YES1: variants seen among roughly 807,000 people sequenced by gnomAD.
YES1 encodes tyrosine-protein kinase Yes.
A neutral mutation model predicts 70.4 loss-of-function variants in YES1; 39 were observed. The ratio of observed to expected loss-of-function variants is 0.55; its 90% CI spans 0.43 to 0.72. The LOEUF (loss-of-function observed/expected upper bound fraction) is 0.72, where lower values mean the gene tolerates loss of function less well. Among genes scored for constraint, YES1 ranks in the 30% least tolerant of loss-of-function variants. The pLI, the probability that YES1 is intolerant of heterozygous loss-of-function variation, is 0.00. For missense variants in YES1, 495 were observed against 644.8 expected, an observed-to-expected ratio of 0.77 and a Z score of 2.52; for synonymous variants, 198 against 218.6, an observed-to-expected ratio of 0.91 and a Z score of 0.83.
intron 4 of YES1, among the ~76,000 whole-genome samples, chr18:746,313 A>T (rs1298057433): frequency 6.6e-6 from 1 of 152,212 alleles, no homozygotes; most frequent in Non-Finnish European, 1.5e-5. Context: ...TCACAGGAAC[A>T]GTAGAGAGGG....
At chr18:759,748 T>C (rs1441232246) in intron 1 of YES1, among the ~76,000 whole-genome samples, 8 of 152,134 alleles carry the variant, frequency 5.3e-5, no homozygotes, top group Admixed American at 5.2e-4. Flanking sequence ...GGTTGTAGGG[T>C]ACATGTGCAC....
intron 3 of YES1, among the ~76,000 whole-genome samples, chr18:749,145 AGC>A (rs1372866412): frequency 1.3e-5 from 2 of 150,592 alleles, no homozygotes; most frequent in South Asian, 2.1e-4. Flanking sequence ...TGGGCTACAG[AGC>A]GAGACTCCAT....
chr18:795,211 T>C (rs1424064862), intron 1 of YES1, among the ~76,000 whole-genome samples: 2 of 152,208 alleles, frequency 1.3e-5, no homozygotes, highest in Non-Finnish European at 2.9e-5. Flanking sequence ...TCAGTAACTG[T>C]ACTGCAGTTG....
intron 11 of YES1, among the ~76,000 whole-genome samples, chr18:732,348 G>A (rs1053688758): frequency 2.0e-5 from 3 of 147,690 alleles, no homozygotes; most frequent in Non-Finnish European, 3.0e-5. Context: ...GCTGAGGCAG[G>A]AGAATTGCTT....
intron 2 of YES1, among the ~76,000 whole-genome samples, chr18:754,998 T>C (rs1488664707): frequency 6.6e-6 from 1 of 152,202 alleles, no homozygotes; most frequent in Non-Finnish European, 1.5e-5. Flanking sequence ...GAATATTTCA[T>C]ATAAGTAAAT....
chr18:762,526 A>G lies in YES1; in HGVS notation c.-8-5691T>C, dbSNP rs1904645283. On this transcript the variant is annotated intron_variant, in intron 1 of 11. Coordinates refer to ENST00000314574, the MANE Select transcript of YES1 (RefSeq NM_005433.4). ...AGAAAAAACAAACAATAAACCAAAC[A>G]AGAAAAATCCCCCAAAATAAAAAAA... 2.6e-5 allele frequency among the ~76,000 whole-genome samples: 4 copies of G among 152,130 alleles called. No individual in the cohort carries two copies. In the South Asian group the frequency reaches 8.3e-4, roughly 32 times the overall value.
At chr18:805,019 C>A (rs1316013844) in intron 1 of YES1, among the ~76,000 whole-genome samples, 2 of 151,846 alleles carry the variant, frequency 1.3e-5, no homozygotes, top group Non-Finnish European at 2.9e-5. Flanking sequence ...GTCCATGGGT[C>A]AGTTTTTTAT....
chr18:802,380 T>G (rs1240354165), intron 1 of YES1, among the ~76,000 whole-genome samples: 2 of 151,996 alleles, frequency 1.3e-5, no homozygotes, highest in African/African-American at 4.8e-5. Flanking sequence ...CCAGCCTGAC[T>G]AAAAATACAA....
intron 8 of YES1, among the ~76,000 whole-genome samples, chr18:741,197 C>G (rs1002027630): frequency 2.6e-5 from 4 of 152,090 alleles, no homozygotes; most frequent in African/African-American, 7.2e-5. Flanking sequence ...TGTGCCTGGC[C>G]TGCTTCCAAT....
At chr18:771,974 T>C (rs1905178879) in intron 1 of YES1, among the ~76,000 whole-genome samples, 1 of 152,048 alleles carries the variant, frequency 6.6e-6, no homozygotes, top group Non-Finnish European at 1.5e-5. Flanking sequence ...GAGGCAAGAA[T>C]TTCACATAAA....
chr18:788,205 C>T (rs1906062844), intron 1 of YES1, among the ~76,000 whole-genome samples: 1 of 152,138 alleles, frequency 6.6e-6, no homozygotes, highest in African/African-American at 2.4e-5. Context: ...TTCAATAAAG[C>T]TGTTATATTA....
rs769270563 is a variant in YES1, at chr18:739,816, AACAG to A, written c.1061-9_1061-6del. 1 of 1,604,374 alleles carries A rather than the reference AACAG, an allele frequency of 6.2e-7. No individual in the cohort carries two copies. Among genetic ancestry groups the A allele is most frequent in the East Asian group, 2.2e-5 (1 of 44,750 alleles). ...TAAGGAAATCTAATAAGCTTCCTGT[AACAG>A]ACAGCAAGATATTCATAAAAAATAA... On this transcript the variant is annotated splice_polypyrimidine_tract_variant and splice_region_variant and intron_variant, in intron 8 of 11. Transcript: ENST00000314574.
chr18:762,247 G>A (rs191521938), intron 1 of YES1, among the ~76,000 whole-genome samples: 1 of 152,314 alleles, frequency 6.6e-6, no homozygotes, highest in East Asian at 1.9e-4. Context: ...TTGAACCCAG[G>A]AGGCAGAGGC....
intron 2 of YES1, among the ~76,000 whole-genome samples, chr18:752,733 A>C (rs1475409254): frequency 2.0e-5 from 3 of 152,146 alleles, no homozygotes; most frequent in African/African-American, 7.2e-5. Context: ...ACTTGAGGCC[A>C]GGAGTTCGAG....
At chr18:728,775 C>A (rs1200611436) in intron 11 of YES1, among the ~76,000 whole-genome samples, 1 of 152,214 alleles carries the variant, frequency 6.6e-6, no homozygotes, top group Non-Finnish European at 1.5e-5. Context: ...CCACTGGCCT[C>A]GACCTCCCAA....
chr18:780,828 A>G (rs577799592), intron 1 of YES1, among the ~76,000 whole-genome samples: 1 of 152,286 alleles, frequency 6.6e-6, no homozygotes, highest in Non-Finnish European at 1.5e-5. Flanking sequence ...ACTGACTTCC[A>G]TCCTTCTACA....
At chr18:801,800 A>C (rs1235102121) in intron 1 of YES1, among the ~76,000 whole-genome samples, 1 of 152,192 alleles carries the variant, frequency 6.6e-6, no homozygotes, top group Non-Finnish European at 1.5e-5. Context: ...GTAATAACTC[A>C]TCTTTTGCAT....
intron 1 of YES1, among the ~76,000 whole-genome samples, chr18:780,211 G>A (rs1013805375): frequency 5.3e-5 from 8 of 152,042 alleles, no homozygotes; most frequent in African/African-American, 1.2e-4. Flanking sequence ...CAGCTTGGGC[G>A]ACAGAATGAG....
chr18:739,638 A>G, intron 9 of YES1, 97 bp downstream of exon 9: 1 of 960,948 alleles, frequency 1.0e-6, no homozygotes, highest in Non-Finnish European at 1.5e-6. Flanking sequence ...ATAAAATCCC[A>G]CCATTTCACT....
Sources: allele counts gnomAD v4.1 joint callset (sites outside exome capture counted in the v4.1 genomes callset), GRCh38; gene constraint gnomAD v4.1.1; transcripts MANE v1.5; gene names NCBI Gene and HGNC (gene_info 2026-07-23, HGNC 2026-07-21).